VGLL4: variants seen among roughly 807,000 people sequenced by gnomAD.
VGLL4 encodes the protein vestigial like family member 4.
VGLL4 carries 7 observed loss-of-function variants against 21.0 expected under a neutral mutation model. The ratio of observed to expected loss-of-function variants is 0.33; its 90% CI spans 0.19 to 0.63. The LOEUF is 0.63. VGLL4 is among the 20% of genes least tolerant of loss of function. The pLI is 0.78. For synonymous variants in VGLL4, 222 were observed against 173.2 expected, an observed-to-expected ratio of 1.28 and a Z score of -2.21; for missense variants, 394 against 425.7, an observed-to-expected ratio of 0.93 and a Z score of 0.66.
At chr3:11,713,360 T>C (rs73128854) in intron 1 of VGLL4, among the ~76,000 whole-genome samples, 5,239 of 151,998 alleles carry the variant, frequency 0.034, 264 homozygotes, top group African/African-American at 0.12. Context: ...CACAGAGGCA[T>C]GTCCCAAGCA....
chr3:11,617,621 GTAT>G (rs2075186853), intron 1 of VGLL4, among the ~76,000 whole-genome samples: 1 of 152,210 alleles, frequency 6.6e-6, no homozygotes, highest in Admixed American at 6.5e-5. Flanking sequence ...ATTCCAGCTA[GTAT>G]TATACATTGA....
At chr3:11,605,972 G>C (rs1172770107) in intron 1 of VGLL4, among the ~76,000 whole-genome samples, 1 of 152,228 alleles carries the variant, frequency 6.6e-6, no homozygotes, top group Non-Finnish European at 1.5e-5. Context: ...ATGGAAAGAT[G>C]TTGTATTAGT....
chr3:11,708,197 A>G (rs1175651504), intron 1 of VGLL4, among the ~76,000 whole-genome samples: 1 of 152,220 alleles, frequency 6.6e-6, no homozygotes, highest in African/African-American at 2.4e-5. Flanking sequence ...CCTTATAGGT[A>G]TTGAAATAAT....
At chr3:11,690,113 T>C (rs889877638) in intron 2 of VGLL4, among the ~76,000 whole-genome samples, 1 of 121,610 alleles carries the variant, frequency 8.2e-6, no homozygotes, top group African/African-American at 2.5e-5. Flanking sequence ...CTAGGGCCCC[T>C]TCCTGTTGGT....
chr3:11,558,314 G>C lies in VGLL4; in HGVS notation c.*242C>G. ...CTTTGGTAACTGAGGCAGGAAGTAA[G>C]GATGCTACATTAGACAGATGTTCCA... On this transcript the variant is annotated 3_prime_UTR_variant, in exon 5 of 5. Coordinates refer to ENST00000430365, the MANE Select transcript of VGLL4 (RefSeq NM_001128219.3). The C allele has an allele frequency of 1.6e-6, 1 of 627,848 alleles. No homozygotes were observed. The highest frequency in any genetic ancestry group is 2.5e-5 in the South Asian group (1 of 40,220). The allele number at this position is 627,848 out of a possible 1,614,324, so 38.9% of individuals were successfully genotyped here.
intron 1 of VGLL4, chr3:11,703,109 T>C: frequency 6.9e-7 from 1 of 1,453,618 alleles, no homozygotes; most frequent in Non-Finnish European, 9.3e-7. Flanking sequence ...ACTCTTAGAA[T>C]CCTAGTCATT....
chr3:11,560,116 ATC>A (rs1356898145), intron 3 of VGLL4, among the ~76,000 whole-genome samples: 6 of 151,532 alleles, frequency 4.0e-5, no homozygotes, highest in East Asian at 1.9e-4. Context: ...CCCTGTTCAG[ATC>A]TCTCTCTGAA....
intron 2 of VGLL4, among the ~76,000 whole-genome samples, chr3:11,591,521 C>G (rs1015348454): frequency 6.6e-6 from 1 of 152,208 alleles, no homozygotes; most frequent in Non-Finnish European, 1.5e-5. Flanking sequence ...AAGGCAGAAG[C>G]GAGGCCTGCT....
intron 2 of VGLL4, among the ~76,000 whole-genome samples, chr3:11,687,532 A>C (rs2076467820): frequency 6.6e-6 from 1 of 151,964 alleles, no homozygotes; most frequent in Non-Finnish European, 1.5e-5. Flanking sequence ...CTGGTGTCAA[A>C]CTCCTGGCTT....
chr3:11,602,863 T>C (rs954243386), intron 1 of VGLL4, among the ~76,000 whole-genome samples: 1 of 152,058 alleles, frequency 6.6e-6, no homozygotes, highest in African/African-American at 2.4e-5. Context: ...CCTTCTAAAC[T>C]TTATAAAGAC....
Position 11,568,831 on chromosome 3 carries a change from C to T in VGLL4, c.273-3812G>A. The T allele has an allele frequency of 7.1e-7, 1 of 1,410,246 alleles. No homozygotes were observed. The highest frequency in any genetic ancestry group is 9.2e-7 in the Non-Finnish European group (1 of 1,084,790). The allele number at this position is 1,410,246 out of a possible 1,614,324, so 87.4% of individuals were successfully genotyped here. ...GGCATCCCCGCGAACACCCAAAGGACTCTGAGTGGCTCCGTGCCAGGCCTA... is the reference window on the plus strand; with the variant it reads ...GGCATCCCCGCGAACACCCAAAGGATTCTGAGTGGCTCCGTGCCAGGCCTA... On this transcript the variant is annotated intron_variant, in intron 2 of 4. Transcript: ENST00000430365. This position sits in a 1 kb window ranked among gnomAD's most constrained non-coding sequence, Gnocchi z 5.9.
At chr3:11,569,736 G>T (rs2125158261) in intron 2 of VGLL4, among the ~76,000 whole-genome samples, 1 of 152,324 alleles carries the variant, frequency 6.6e-6, no homozygotes, top group South Asian at 2.1e-4. Context: ...GAGACTGCTG[G>T]CTGGGCATGG....
In VGLL4 at chr3:11,556,717, T is replaced by C. The variant is rs902262887; in HGVS notation, c.*1839A>G. 1 of 152,786 alleles carries C rather than the reference T, an allele frequency of 6.5e-6. No individual in the cohort carries two copies. The highest frequency in any genetic ancestry group is 1.5e-5 in the Non-Finnish European group (1 of 68,044). The allele number at this position is 152,786 out of a possible 1,614,324, so 9.5% of individuals were successfully genotyped here. On this transcript the variant is annotated 3_prime_UTR_variant, in exon 5 of 5. Transcript: ENST00000430365. ...AAATTAATGTTCTTCAAAAAATACC[T>C]ACAAATTTCTCTGTACATTCTTTAC...
intron 2 of VGLL4, among the ~76,000 whole-genome samples, chr3:11,598,042 A>G (rs77097695): frequency 1.7e-4 from 24 of 143,892 alleles, no homozygotes; most frequent in Admixed American, 6.2e-4. Context: ...TTTTTTTTTT[A>G]TAAGACATCA....
At chr3:11,635,701 C>T (rs1412720046) in intron 1 of VGLL4, among the ~76,000 whole-genome samples, 6 of 152,194 alleles carry the variant, frequency 3.9e-5, no homozygotes, top group African/African-American at 1.4e-4. Context: ...TAGAAAAAAG[C>T]CTCCCAGCCT....
intron 2 of VGLL4, among the ~76,000 whole-genome samples, chr3:11,597,971 C>T (rs929214061): frequency 6.6e-6 from 1 of 152,172 alleles, no homozygotes; most frequent in Non-Finnish European, 1.5e-5. Flanking sequence ...AAGGAAACCT[C>T]TCTTTTTTTC....
At chr3:11,595,809 G>C (rs1235161282) in intron 2 of VGLL4, among the ~76,000 whole-genome samples, 1 of 114,644 alleles carries the variant, frequency 8.7e-6, no homozygotes, top group African/African-American at 3.4e-5. Flanking sequence ...ACACAGGAAG[G>C]GGAACATCAC....
At chr3:11,654,398 T>C (rs2125346035) in intron 2 of VGLL4, among the ~76,000 whole-genome samples, 1 of 152,342 alleles carries the variant, frequency 6.6e-6, no homozygotes, top group African/African-American at 2.4e-5. Context: ...GCAGGCTCCT[T>C]GGCTCCTCTA....
intron 2 of VGLL4, among the ~76,000 whole-genome samples, chr3:11,701,999 T>C (rs1488391709): frequency 6.6e-6 from 1 of 152,122 alleles, no homozygotes; most frequent in East Asian, 1.9e-4. Flanking sequence ...TATTGTTCCT[T>C]TCACCCATCC....
Sources: gnomAD v4.1 joint callset for allele counts (sites outside exome capture counted in the v4.1 genomes callset) on GRCh38, gnomAD v4.1.1 for gene constraint, Gnocchi (gnomAD v3.1) non-coding constraint, MANE v1.5 for transcripts, NCBI Gene and HGNC (gene_info 2026-07-23, HGNC 2026-07-21) for gene names.